The following TG variants were observed in gnomAD, a reference collection of about 807,000 sequenced individuals.
The protein encoded by TG is thyroid hormones.
Under a neutral mutation model 324.7 loss-of-function variants are expected in TG, and 270 were observed. The observed-to-expected ratio is 0.83, with a 90% CI of 0.75 to 0.92. TG has a LOEUF of 0.92. Among genes scored for constraint, TG ranks in the 40% least tolerant of loss-of-function variants. The pLI is 0.00. For missense variants in TG, 3,591 were observed against 3,456.4 expected, an observed-to-expected ratio of 1.04 and a Z score of -0.98; for synonymous variants, 1,401 against 1,327.0, an observed-to-expected ratio of 1.06 and a Z score of -1.21.
chr8:132,956,327 G>T (rs1172148470), intron 27 of TG, among the ~76,000 whole-genome samples: 1 of 152,206 alleles, frequency 6.6e-6, no homozygotes, highest in Non-Finnish European at 1.5e-5. Context: ...GCCAAGAATT[G>T]TGCTGGGGGA....
At chr8:132,875,933 G>A (rs1813718257) in intron 5 of TG, among the ~76,000 whole-genome samples, 1 of 152,116 alleles carries the variant, frequency 6.6e-6, no homozygotes, top group Non-Finnish European at 1.5e-5. Flanking sequence ...CATATAGAGG[G>A]CCTAAGCTTA....
intron 37 of TG, among the ~76,000 whole-genome samples, chr8:133,016,277 G>A (rs1361879594): frequency 2.0e-5 from 3 of 152,174 alleles, no homozygotes; most frequent in Admixed American, 1.3e-4. Flanking sequence ...GACATTTGGG[G>A]CTGGAGTATT....
chr8:133,015,929 T>A (rs1394526474), intron 37 of TG, among the ~76,000 whole-genome samples: 6 of 152,326 alleles, frequency 3.9e-5, no homozygotes, highest in African/African-American at 1.2e-4. Context: ...TTTTTCCTCT[T>A]TCTCTTTTTT....
chr8:132,950,655 TTGTC>T lies in TG; in HGVS notation c.5401+1716_5401+1719del, dbSNP rs745631419. Among the ~76,000 whole-genome samples, 6 of 152,284 alleles carry T rather than the reference TTGTC, an allele frequency of 3.9e-5. No homozygotes were observed. The South Asian group carries it at 1.2e-3, about 32-fold the overall frequency. ...GCGCATTTGCCTGTCTGTGGAAAGTTTGTCTGTGATGTTAAATCCTAGCTTTGGA... is the reference window on the plus strand; with the variant it reads ...GCGCATTTGCCTGTCTGTGGAAAGTTTGTGATGTTAAATCCTAGCTTTGGA... On this transcript the variant is annotated intron_variant, in intron 27 of 47. Transcript: ENST00000220616.
chr8:133,070,024 A>C (rs1460891665), intron 41 of TG, among the ~76,000 whole-genome samples: 1 of 91,994 alleles, frequency 1.1e-5, no homozygotes, highest in Non-Finnish European at 2.7e-5. Flanking sequence ...AAAAAAAAAA[A>C]AAGAAAGAAA....
At chr8:132,953,126 A>G (rs1466514385) in intron 27 of TG, among the ~76,000 whole-genome samples, 1 of 152,172 alleles carries the variant, frequency 6.6e-6, no homozygotes, top group Non-Finnish European at 1.5e-5. Context: ...ATTCTACTTC[A>G]AGGGTTTTAC....
intron 22 of TG, among the ~76,000 whole-genome samples, chr8:132,926,490 C>G (rs1488621321): frequency 6.6e-6 from 1 of 152,192 alleles, no homozygotes. Context: ...ACCATATGTT[C>G]CTTTGGGGCT....
intron 45 of TG, among the ~76,000 whole-genome samples, chr8:133,123,201 G>A (rs1295355754): frequency 6.6e-6 from 1 of 152,056 alleles, no homozygotes; most frequent in Non-Finnish European, 1.5e-5. Context: ...GTACCTGAAA[G>A]GAAGTAGCAA....
intron 45 of TG, among the ~76,000 whole-genome samples, chr8:133,123,936 G>A (rs772017133): frequency 6.6e-6 from 1 of 152,262 alleles, no homozygotes; most frequent in African/African-American, 2.4e-5. Context: ...AGACAGCCTC[G>A]CCTGTGGGCC....
intron 35 of TG, among the ~76,000 whole-genome samples, chr8:132,987,518 G>A (rs1034310137): frequency 6.6e-6 from 1 of 152,118 alleles, no homozygotes; most frequent in Non-Finnish European, 1.5e-5. Context: ...TAGGTTCATA[G>A]CATGGTCTGT....
At chr8:132,915,315 T>A (rs1338216786) in intron 20 of TG, among the ~76,000 whole-genome samples, 2 of 152,208 alleles carry the variant, frequency 1.3e-5, no homozygotes, top group Non-Finnish European at 2.9e-5. Flanking sequence ...CCTCTGACTG[T>A]CTTCCTTTCC....
At chr8:132,873,522 G>A (rs1432567767) in intron 5 of TG, among the ~76,000 whole-genome samples, 3 of 152,122 alleles carry the variant, frequency 2.0e-5, no homozygotes, top group Admixed American at 6.5e-5. Flanking sequence ...GCAGGAAACC[G>A]GGAGCAAAGT....
rs547145870 is a variant in TG, at chr8:133,116,880, G to T, written c.7862+164G>T. On this transcript the variant is annotated intron_variant, in intron 45 of 47. Coordinates refer to ENST00000220616, the MANE Select transcript of TG (RefSeq NM_003235.5). Reference sequence around the variant, plus strand: ...TTCATCTCACTGTCTTGCAGGCGGGGAAAGTTAAAAAAAAAAATGGTGTGA... The same window carrying T: ...TTCATCTCACTGTCTTGCAGGCGGGTAAAGTTAAAAAAAAAAATGGTGTGA... 1.1e-4 allele frequency among the ~76,000 whole-genome samples: 14 copies of T among 122,232 alleles called. No homozygotes were observed. In the South Asian group the frequency reaches 1.2e-3, roughly 10 times the overall value. The allele number at this position is 122,232 out of a possible 152,430, so 80.2% of individuals were successfully genotyped here.
rs759529451 is a variant in TG, at chr8:132,966,600, G to C, written c.5589G>C (p.Gln1863His). ...TTTTCTCCCCTGTGGACCTCAACCAGGTCATTGTCAATGGAAATCAATCAC... is the reference window on the plus strand; with the variant it reads ...TTTTCTCCCCTGTGGACCTCAACCACGTCATTGTCAATGGAAATCAATCAC... ...TELFSPVDLN[Q>H]VIVNGNQSLS... is the part of the protein sequence containing the mutation. Residue 1863 changes from glutamine to histidine, a missense_variant, in exon 30 of 48, where the codon CAG (glutamine) becomes CAC (histidine). Physicochemically the swap from Gln to His is conservative, Grantham distance 24. Coordinates refer to ENST00000220616, the MANE Select transcript of TG (RefSeq NM_003235.5). 2 of 1,614,054 alleles carry C rather than the reference G, an allele frequency of 1.2e-6. No homozygotes were observed. Among genetic ancestry groups the C allele is most frequent in the Non-Finnish European group, 1.7e-6 (2 of 1,179,990 alleles).
intron 41 of TG, chr8:133,058,961 A>C (rs1841954930): frequency 2.1e-6 from 1 of 479,482 alleles, no homozygotes. Flanking sequence ...GCTTGGGGGC[A>C]TTGGAGGCCA....
intron 23 of TG, 117 bp from the exon 24 acceptor site, chr8:132,933,434 TTGTGTGTGTG>T (rs370957018): frequency 1.5e-5 from 10 of 680,232 alleles, no homozygotes; most frequent in South Asian, 3.0e-5. Flanking sequence ...ATCTGCATAT[TTGTGTGTGTG>T]TGTGTGTGTG....
Position 132,989,035 on chromosome 8 carries a change from A to G in TG, c.6262+5623A>G, listed in dbSNP as rs545435409. 24 of 322,820 alleles carry G rather than the reference A, an allele frequency of 7.4e-5. 1 individual carries two copies. The South Asian group carries it at 9.8e-4, about 13-fold the overall frequency. The allele number at this position is 322,820 out of a possible 1,614,324, so 20.0% of individuals were successfully genotyped here. A position where few individuals can be genotyped will look rare whatever the true frequency, so the allele number is the denominator to read the frequency against. ...CAATCATGGCAGAAGGCAAGGAGGAACAAGTCACATCTTACGTGGATGACA... is the reference window on the plus strand; with the variant it reads ...CAATCATGGCAGAAGGCAAGGAGGAGCAAGTCACATCTTACGTGGATGACA... On this transcript the variant is annotated intron_variant, in intron 35 of 47. Coordinates refer to ENST00000220616, the MANE Select transcript of TG (RefSeq NM_003235.5).
rs761414034 is a variant in TG, at chr8:133,050,025, G to A, written c.7239+20002G>A. The A allele has an allele frequency of 1.6e-5, 22 of 1,353,528 alleles. No homozygotes were observed. The African/African-American group carries it at 2.6e-4, about 16-fold the overall frequency. 83.8% of individuals were successfully genotyped at this position (1,353,528 alleles called of 1,614,324 possible). A position where few individuals can be genotyped will look rare whatever the true frequency, so the allele number is the denominator to read the frequency against. On this transcript the variant is annotated intron_variant, in intron 41 of 47. Transcript: ENST00000220616. ...AGAACAGAGAAGAACACAGAGATAGGTAAATAGCAAAACCAAAGGATGAAT... is the reference window on the plus strand; with the variant it reads ...AGAACAGAGAAGAACACAGAGATAGATAAATAGCAAAACCAAAGGATGAAT...
At position 133,049,199 on chromosome 8, in the gene TG, G is replaced by C. The variant is rs1332376936; in HGVS notation, c.7239+19176G>C. 4 of 455,316 alleles carry C rather than the reference G, an allele frequency of 8.8e-6. No homozygotes were observed. In the East Asian group the frequency reaches 2.8e-4, roughly 32 times the overall value. 28.2% of individuals were successfully genotyped at this position (455,316 alleles called of 1,614,324 possible). ...ACTGGAACGACTACAGGGGAAAGCA[G>C]GGTGCTTATTTTCTTATCTGTTGAG... is the stretch of plus-strand genomic sequence containing the variant. On this transcript the variant is annotated intron_variant, in intron 41 of 47. Coordinates refer to ENST00000220616, the MANE Select transcript of TG (RefSeq NM_003235.5).
Sources: gnomAD v4.1 joint callset for allele counts (sites outside exome capture counted in the v4.1 genomes callset) on GRCh38, gnomAD v4.1.1 for gene constraint, MANE v1.5 for transcripts, NCBI Gene and HGNC (gene_info 2026-07-23, HGNC 2026-07-21) for gene names.